Variants in TMEM178B observed in about 807,000 individuals in gnomAD.
TMEM178B encodes the protein transmembrane protein 178B.
In TMEM178B, 5 loss-of-function variants were observed where a neutral mutation model predicts 31.0. The observed-to-expected ratio is 0.16, with a 90% CI of 0.08 to 0.34. The LOEUF (loss-of-function observed/expected upper bound fraction) is 0.34, where lower values mean the gene tolerates loss of function less well. Among genes scored for constraint, TMEM178B ranks in the 10% least tolerant of loss-of-function variants. The pLI is 1.00. For missense variants in TMEM178B, 275 were observed against 400.3 expected, an observed-to-expected ratio of 0.69 and a Z score of 2.67; for synonymous variants, 164 against 164.0, an observed-to-expected ratio of 1.00 and a Z score of 0.00.
At chr7:141,270,989 T>G (rs1224321145) in intron 2 of TMEM178B, among the ~76,000 whole-genome samples, 1 of 152,230 alleles carries the variant, frequency 6.6e-6, no homozygotes, top group African/African-American at 2.4e-5. Context: ...GCAGGTACAT[T>G]GCAGGCCTTC....
At chr7:141,231,313 G>T in intron 2 of TMEM178B, among the ~76,000 whole-genome samples, 2 of 143,500 alleles carry the variant, frequency 1.4e-5, no homozygotes, top group South Asian at 4.4e-4. Context: ...CTCAAGAGAA[G>T]AAAAAAAAAA....
At chr7:141,466,590 T>G (rs1483293118) in intron 3 of TMEM178B, among the ~76,000 whole-genome samples, 1 of 152,178 alleles carries the variant, frequency 6.6e-6, no homozygotes, top group Non-Finnish European at 1.5e-5. Context: ...AAGAAGAAAT[T>G]TCTCCATTTC....
the TMEM178B span, among the ~76,000 whole-genome samples, chr7:141,490,972 C>T: frequency 6.6e-6 from 1 of 152,134 alleles, no homozygotes; most frequent in Admixed American, 6.5e-5. Context: ...TGTAGCAAAC[C>T]TAGGATTCAA....
chr7:141,486,677 C>A, the TMEM178B span, among the ~76,000 whole-genome samples: 3 of 152,128 alleles, frequency 2.0e-5, no homozygotes, highest in Admixed American at 6.5e-5. Context: ...GCAAAAAGAA[C>A]AAACACTACT....
At chr7:141,454,553 C>T (rs1487815245) in intron 3 of TMEM178B, among the ~76,000 whole-genome samples, 2 of 111,510 alleles carry the variant, frequency 1.8e-5, no homozygotes, top group Non-Finnish European at 3.5e-5. Context: ...CTCTTCTCTC[C>T]TCTCTCTCCT....
At chr7:141,435,763 C>T (rs887387371) in intron 2 of TMEM178B, among the ~76,000 whole-genome samples, 2 of 152,202 alleles carry the variant, frequency 1.3e-5, no homozygotes, top group Non-Finnish European at 2.9e-5. Flanking sequence ...TGCAGTGCTG[C>T]ATGATAATCA....
chr7:141,239,804 T>G (rs1230709686), intron 2 of TMEM178B, among the ~76,000 whole-genome samples: 2 of 151,906 alleles, frequency 1.3e-5, no homozygotes, highest in Non-Finnish European at 2.9e-5. Context: ...TTGGTGGATC[T>G]GCTTCTAGAA....
chr7:141,387,071 G>T (rs1374929359), intron 2 of TMEM178B, among the ~76,000 whole-genome samples: 1 of 152,122 alleles, frequency 6.6e-6, no homozygotes, highest in Non-Finnish European at 1.5e-5. Flanking sequence ...TCCTAGCAAT[G>T]GGGAAGTCAT....
chr7:141,256,240 G>A (rs1797926013), intron 2 of TMEM178B, among the ~76,000 whole-genome samples: 1 of 152,146 alleles, frequency 6.6e-6, no homozygotes, highest in Non-Finnish European at 1.5e-5. Flanking sequence ...CCATAAACAA[G>A]TAAACTTAAA....
At chr7:141,099,074 A>G (rs779462669) in intron 1 of TMEM178B, among the ~76,000 whole-genome samples, 6 of 152,256 alleles carry the variant, frequency 3.9e-5, no homozygotes, top group Admixed American at 1.3e-4. Context: ...CAACCAGGGC[A>G]GAATGGAATC....
intron 2 of TMEM178B, among the ~76,000 whole-genome samples, chr7:141,336,964 T>C (rs866123956): frequency 0.22 from 3,779 of 17,416 alleles, 3 homozygotes; most frequent in East Asian, 0.31. Context: ...CCACCATCAC[T>C]ACCACCACCA....
Position 141,203,613 on chromosome 7 carries a change from G to A in TMEM178B, c.383-8978G>A, listed in dbSNP as rs113999141. On this transcript the variant is annotated intron_variant, in intron 1 of 3. Coordinates refer to ENST00000565468, the MANE Select transcript of TMEM178B (RefSeq NM_001195278.2). ...CACCCAACAGTGAATCCTTGTAGCC[G>A]TGGTGTCTGAAACTGCTGCACTCAC... is the stretch of plus-strand genomic sequence containing the variant. Among the ~76,000 whole-genome samples the A allele has an allele frequency of 6.4e-3, 975 of 152,264 alleles. 15 individuals carry two copies. Among genetic ancestry groups the A allele is most frequent in the African/African-American group, 0.022 (912 of 41,554 alleles).
intron 2 of TMEM178B, among the ~76,000 whole-genome samples, chr7:141,302,661 T>C (rs1042730416): frequency 6.6e-5 from 10 of 152,202 alleles, no homozygotes; most frequent in Admixed American, 2.0e-4. Flanking sequence ...TTTGCTGTTA[T>C]GTATATTTTA....
intron 2 of TMEM178B, among the ~76,000 whole-genome samples, chr7:141,390,138 G>A (rs2116602762): frequency 6.6e-6 from 1 of 152,218 alleles, no homozygotes; most frequent in South Asian, 2.1e-4. Flanking sequence ...AGAAAGAGAG[G>A]GAATTATTTA....
intron 2 of TMEM178B, among the ~76,000 whole-genome samples, chr7:141,339,266 G>A (rs1586901229): frequency 1.3e-5 from 2 of 152,254 alleles, no homozygotes; most frequent in East Asian, 3.9e-4. Context: ...TTCCACACTG[G>A]ACAGCTCACA....
intron 2 of TMEM178B, among the ~76,000 whole-genome samples, chr7:141,401,309 A>G (rs1301211225): frequency 6.6e-6 from 1 of 152,264 alleles, no homozygotes; most frequent in Non-Finnish European, 1.5e-5. Flanking sequence ...CATTTAAAAT[A>G]ACATTTAAAA....
intron 2 of TMEM178B, among the ~76,000 whole-genome samples, chr7:141,397,430 G>A (rs957560407): frequency 2.0e-5 from 3 of 152,098 alleles, no homozygotes; most frequent in South Asian, 2.1e-4. Flanking sequence ...GCCCTGAGAC[G>A]GACGGACCTT....
intron 1 of TMEM178B, among the ~76,000 whole-genome samples, chr7:141,105,032 T>C (rs529631745): frequency 6.6e-6 from 1 of 152,162 alleles, no homozygotes; most frequent in Non-Finnish European, 1.5e-5. Context: ...AGATCTGACT[T>C]AAGTCAGAGA....
intron 2 of TMEM178B, among the ~76,000 whole-genome samples, chr7:141,434,453 A>T (rs1310941903): frequency 6.6e-6 from 1 of 152,228 alleles, no homozygotes; most frequent in African/African-American, 2.4e-5. Flanking sequence ...AAGGGTGCAG[A>T]AGATGAATGT....
Sources: gnomAD v4.1 joint callset for allele counts (sites outside exome capture counted in the v4.1 genomes callset) on GRCh38, gnomAD v4.1.1 for gene constraint, MANE v1.5 for transcripts, NCBI Gene and HGNC (gene_info 2026-07-23, HGNC 2026-07-21) for gene names.